NRXN1: variants seen among roughly 807,000 people sequenced by gnomAD.
The protein encoded by NRXN1 is neurexin-1.
Under a neutral mutation model 150.9 loss-of-function variants are expected in NRXN1, and 39 were observed. That is an observed-to-expected ratio of 0.26 (90% CI 0.20 to 0.34). The LOEUF (loss-of-function observed/expected upper bound fraction) is 0.34. Among genes scored for constraint, NRXN1 ranks in the 10% least tolerant of loss-of-function variants. The probability of loss-of-function intolerance (pLI) is 1.00; values close to 1 mark genes in which losing one functional copy is unlikely to be tolerated. For missense variants in NRXN1, 1,815 were observed against 1,949.9 expected (o/e 0.93, Z 1.30); for synonymous variants, 924 against 757.0 (o/e 1.22, Z -3.62).
intron 2 of NRXN1, among the ~76,000 whole-genome samples, chr2:50,951,727 C>T (rs1405395982): frequency 6.6e-6 from 1 of 151,934 alleles, no homozygotes. Context: ...GCCTACCTCA[C>T]TATGTCTTCT....
In NRXN1 at chr2:49,937,480, T is replaced by C. The variant is rs183226434; in HGVS notation, c.4216+6224A>G. On this transcript the variant is annotated intron_variant, in intron 22 of 22. Coordinates refer to ENST00000401669, the MANE Select transcript of NRXN1 (RefSeq NM_001330078.2). Reference sequence around the variant, plus strand: ...AAAATGATGTGTGATAAATCTCTTCTACTTTAACCATGTACTACTTATTTT... The same window carrying C: ...AAAATGATGTGTGATAAATCTCTTCCACTTTAACCATGTACTACTTATTTT... Among the ~76,000 whole-genome samples, 34 of 152,344 alleles carry C rather than the reference T, an allele frequency of 2.2e-4. No homozygotes were observed. The East Asian group carries it at 5.6e-3, about 25-fold the overall frequency.
chr2:50,280,277 CAAAAA>C (rs4032052), intron 17 of NRXN1, among the ~76,000 whole-genome samples: 2 of 122,832 alleles, frequency 1.6e-5, no homozygotes, highest in Admixed American at 8.2e-5. Flanking sequence ...GAATCAGTCT[CAAAAA>C]AAAAAAAAAA....
At chr2:50,372,817 C>A (rs1456533121) in intron 17 of NRXN1, among the ~76,000 whole-genome samples, 1 of 151,878 alleles carries the variant, frequency 6.6e-6, no homozygotes. Context: ...TTATTTATAC[C>A]AGCACTCCCC....
At chr2:50,473,452 C>T (rs564113052) in intron 15 of NRXN1, among the ~76,000 whole-genome samples, 9 of 151,770 alleles carry the variant, frequency 5.9e-5, no homozygotes, top group Non-Finnish European at 1.0e-4. Context: ...ATAAACATAA[C>T]TAAGTGACTT....
chr2:50,462,021 T>A (rs1012301057), intron 17 of NRXN1, among the ~76,000 whole-genome samples: 1 of 151,930 alleles, frequency 6.6e-6, no homozygotes, highest in African/African-American at 2.4e-5. Context: ...ACATGAAGGC[T>A]GGGGTCAGAC....
chr2:50,194,056 GC>G (rs2061604126), intron 18 of NRXN1, among the ~76,000 whole-genome samples: 2 of 152,046 alleles, frequency 1.3e-5, no homozygotes, highest in Admixed American at 1.3e-4. Context: ...TAAGTGACTT[GC>G]CCACCAATTT....
rs1480515069 is a variant in NRXN1, at chr2:50,579,111, C to T, written c.1321-26086G>A. 3.3e-5 allele frequency among the ~76,000 whole-genome samples: 5 copies of T among 152,140 alleles called. No individual in the cohort carries two copies. In the East Asian group the frequency reaches 9.6e-4, roughly 29 times the overall value. ...AGTCATATGATCCTAATCTTAATGT[C>T]ATAAACCCCATCCACAAACTGTGGG... On this transcript the variant is annotated intron_variant, in intron 8 of 22. Coordinates refer to ENST00000401669, the MANE Select transcript of NRXN1 (RefSeq NM_001330078.2).
At chr2:50,724,036 G>A (rs544431490) in intron 5 of NRXN1, among the ~76,000 whole-genome samples, 5 of 152,118 alleles carry the variant, frequency 3.3e-5, no homozygotes, top group Non-Finnish European at 7.4e-5. Context: ...CATTTCAGAT[G>A]TTTACTCAAA....
chr2:50,106,731 G>A (rs952931306), intron 18 of NRXN1, among the ~76,000 whole-genome samples: 1 of 151,562 alleles, frequency 6.6e-6, no homozygotes, highest in African/African-American at 2.4e-5. Context: ...GTGATCACAA[G>A]TTATTTTATG....
chr2:49,931,401 A>C (rs1216834586), intron 22 of NRXN1, among the ~76,000 whole-genome samples: 2 of 152,124 alleles, frequency 1.3e-5, no homozygotes, highest in Admixed American at 6.5e-5. Context: ...CAATGACTAA[A>C]GTCACTAAGC....
intron 5 of NRXN1, chr2:50,637,403 G>C (rs1438613367): frequency 6.6e-6 from 1 of 152,120 alleles, no homozygotes; most frequent in Non-Finnish European, 1.5e-5. Context: ...ATGCATAGGA[G>C]ATAAGTTATT....
chr2:50,280,094 C>T (rs906330090), intron 17 of NRXN1, among the ~76,000 whole-genome samples: 9 of 151,832 alleles, frequency 5.9e-5, no homozygotes, highest in African/African-American at 2.2e-4. Context: ...CTGGCTAACA[C>T]GGTGAGCCCT....
intron 17 of NRXN1, among the ~76,000 whole-genome samples, chr2:50,355,916 G>C (rs192513344): frequency 6.6e-6 from 1 of 152,164 alleles, no homozygotes; most frequent in East Asian, 1.9e-4. Context: ...AGGTTTATTG[G>C]TGAGTTATTT....
At chr2:50,770,453 C>T (rs1248767392) in intron 5 of NRXN1, among the ~76,000 whole-genome samples, 1 of 151,900 alleles carries the variant, frequency 6.6e-6, no homozygotes, top group Non-Finnish European at 1.5e-5. Context: ...TAATGATCTA[C>T]TTACAGTTAC....
chr2:50,828,987 G>A (rs1349940726), intron 5 of NRXN1, among the ~76,000 whole-genome samples: 1 of 152,198 alleles, frequency 6.6e-6, no homozygotes, highest in Non-Finnish European at 1.5e-5. Context: ...GGCACCTCGG[G>A]AGGCCGAGGC....
At chr2:50,872,130 A>C (rs1677871804) in intron 5 of NRXN1, among the ~76,000 whole-genome samples, 1 of 151,838 alleles carries the variant, frequency 6.6e-6, no homozygotes. Flanking sequence ...GTGTGTATGC[A>C]TGTGACATAA....
intron 5 of NRXN1, among the ~76,000 whole-genome samples, chr2:50,740,424 C>T (rs1360884702): frequency 2.0e-5 from 3 of 152,140 alleles, no homozygotes; most frequent in African/African-American, 7.2e-5. Context: ...CACAGTGCGA[C>T]ATAACTAAGG....
At chr2:50,962,375 A>G (rs940390149) in intron 2 of NRXN1, among the ~76,000 whole-genome samples, 13 of 151,716 alleles carry the variant, frequency 8.6e-5, no homozygotes, top group African/African-American at 2.9e-4. Context: ...GGCAAGTTCT[A>G]TGAGAATGCT....
rs190621691 is a variant in NRXN1, at chr2:50,979,417, A to G, written c.772+48085T>C. On this transcript the variant is annotated intron_variant, in intron 2 of 22. Coordinates refer to ENST00000401669, the MANE Select transcript of NRXN1 (RefSeq NM_001330078.2). ...GTATTTCCATCTTGGGATACTAGCCAGTTATTCAGGACATGAAACCAGGAC... is the reference window on the plus strand; with the variant it reads ...GTATTTCCATCTTGGGATACTAGCCGGTTATTCAGGACATGAAACCAGGAC... The G allele has an allele frequency of 3.7e-4, 147 of 397,122 alleles. 1 individual carries two copies. Among genetic ancestry groups the G allele is most frequent in the African/African-American group, 2.8e-3 (135 of 48,360 alleles). The allele number at this position is 397,122 out of a possible 1,614,324, so 24.6% of individuals were successfully genotyped here.
Sources: gnomAD v4.1 joint callset for allele counts (sites outside exome capture counted in the v4.1 genomes callset) on GRCh38, gnomAD v4.1.1 for gene constraint, MANE v1.5 for transcripts, NCBI Gene and HGNC (gene_info 2026-07-23, HGNC 2026-07-21) for gene names.